The following MGAT5 variants were observed in gnomAD, a reference collection of about 807,000 sequenced individuals.
MGAT5 encodes alpha-1,6-mannosylglycoprotein 6-beta-N-acetylglucosaminyltransferase.
A neutral mutation model predicts 94.3 loss-of-function variants in MGAT5; 30 were observed. The ratio of observed to expected loss-of-function variants is 0.32; its 90% CI spans 0.24 to 0.43. The LOEUF is 0.43. Ranked by LOEUF, MGAT5 falls within the 20% of genes least tolerant of loss-of-function variation. MGAT5 has a pLI of 1.00. For missense variants in MGAT5, 691 were observed against 905.5 expected, an observed-to-expected ratio of 0.76 and a Z score of 3.04; for synonymous variants, 310 against 322.9, an observed-to-expected ratio of 0.96 and a Z score of 0.43.
intron 1 of MGAT5, among the ~76,000 whole-genome samples, chr2:134,129,980 A>G (rs919325770): frequency 6.6e-6 from 1 of 152,170 alleles, no homozygotes; most frequent in African/African-American, 2.4e-5. Flanking sequence ...CAGCACTCAC[A>G]GGCCAGCGCA....
intron 1 of MGAT5, among the ~76,000 whole-genome samples, chr2:134,159,323 C>G (rs973708890): frequency 6.6e-6 from 1 of 151,714 alleles, no homozygotes; most frequent in Non-Finnish European, 1.5e-5. Context: ...CTTCCCTTCT[C>G]TTTGCTTGCA....
At chr2:134,386,237 T>C (rs1352706392) in intron 10 of MGAT5, among the ~76,000 whole-genome samples, 1 of 151,910 alleles carries the variant, frequency 6.6e-6, no homozygotes, top group Non-Finnish European at 1.5e-5. Context: ...CAACCATTGA[T>C]AGGAAAAGCA....
chr2:134,433,752 A>G (rs1177012900), intron 14 of MGAT5, among the ~76,000 whole-genome samples: 1 of 152,096 alleles, frequency 6.6e-6, no homozygotes, highest in African/African-American at 2.4e-5. Flanking sequence ...TAACACAGAT[A>G]ACCAATATGT....
rs1685851750 is a variant in MGAT5, at chr2:134,298,853, G to C, written c.407-18676G>C. 1.3e-5 allele frequency among the ~76,000 whole-genome samples: 2 copies of C among 152,098 alleles called. 1 individual carries two copies. The highest frequency in any genetic ancestry group is 4.1e-4 in the South Asian group (2 of 4,830). On this transcript the variant is annotated intron_variant, in intron 2 of 15. Coordinates refer to ENST00000281923, the MANE Select transcript of MGAT5 (RefSeq NM_002410.5). ...TGGTTGAGTGTTCTGTATGAAAGACGATTCCAGGCAGGAAGCATGAAAGCA... is the reference window on the plus strand; with the variant it reads ...TGGTTGAGTGTTCTGTATGAAAGACCATTCCAGGCAGGAAGCATGAAAGCA...
intron 2 of MGAT5, among the ~76,000 whole-genome samples, chr2:134,292,223 C>T (rs1685411473): frequency 6.6e-6 from 1 of 152,136 alleles, no homozygotes; most frequent in African/African-American, 2.4e-5. Flanking sequence ...CTGAGTGTAC[C>T]TCAGGGAAGG....
At chr2:134,367,445 G>T (rs1680509067) in intron 10 of MGAT5, among the ~76,000 whole-genome samples, 1 of 152,224 alleles carries the variant, frequency 6.6e-6, no homozygotes, top group Admixed American at 6.5e-5. Context: ...CATTTTACTG[G>T]AACATGGCCA....
chr2:134,239,219 C>T (rs984145392), intron 1 of MGAT5, among the ~76,000 whole-genome samples: 5 of 152,086 alleles, frequency 3.3e-5, no homozygotes, highest in African/African-American at 7.2e-5. Context: ...AGGATGGTCT[C>T]GATCTCCTGA....
chr2:134,139,896 G>A (rs1451780909), intron 1 of MGAT5, among the ~76,000 whole-genome samples: 1 of 152,162 alleles, frequency 6.6e-6, no homozygotes, highest in Non-Finnish European at 1.5e-5. Context: ...CTGGCCATTC[G>A]AGAACAGCTT....
chr2:134,323,874 A>G (rs1687482889), intron 4 of MGAT5, among the ~76,000 whole-genome samples: 1 of 152,128 alleles, frequency 6.6e-6, no homozygotes, highest in Admixed American at 6.6e-5. Flanking sequence ...TTTCCAGAAC[A>G]TCAGGCAGTT....
At chr2:134,341,123 G>A (rs377637854) in intron 6 of MGAT5, among the ~76,000 whole-genome samples, 20 of 152,134 alleles carry the variant, frequency 1.3e-4, no homozygotes, top group Middle Eastern at 3.2e-3. Context: ...GAGAAAATGG[G>A]GGTATAGATT....
chr2:134,415,727 T>C (rs1290683077), intron 12 of MGAT5, among the ~76,000 whole-genome samples: 1 of 152,208 alleles, frequency 6.6e-6, no homozygotes, highest in Non-Finnish European at 1.5e-5. Context: ...GCACTTTTTT[T>C]TTCCTCGTAG....
chr2:134,132,483 T>G (rs1686222895), intron 1 of MGAT5, among the ~76,000 whole-genome samples: 1 of 152,256 alleles, frequency 6.6e-6, no homozygotes, highest in African/African-American at 2.4e-5. Context: ...TTTCATTGTC[T>G]TAAAAAATTT....
intron 2 of MGAT5, among the ~76,000 whole-genome samples, chr2:134,317,122 T>C (rs1687041222): frequency 6.6e-6 from 1 of 152,198 alleles, no homozygotes; most frequent in Non-Finnish European, 1.5e-5. Flanking sequence ...TCACGAGGTC[T>C]GTTCATGGCC....
At chr2:134,143,024 A>C (rs1686735055) in intron 1 of MGAT5, among the ~76,000 whole-genome samples, 1 of 152,150 alleles carries the variant, frequency 6.6e-6, no homozygotes, top group Non-Finnish European at 1.5e-5. Flanking sequence ...GTGGGAGGAC[A>C]AATGTGAGAC....
At chr2:134,387,342 T>A (rs1351602271) in intron 10 of MGAT5, among the ~76,000 whole-genome samples, 13 of 96,088 alleles carry the variant, frequency 1.4e-4, no homozygotes, top group East Asian at 3.6e-4. Context: ...ATTTTTTTTT[T>A]TTTTTTTTTT....
Position 134,313,958 on chromosome 2 carries a change from G to A in MGAT5, c.407-3571G>A, listed in dbSNP as rs149466420. Among the ~76,000 whole-genome samples, 198 of 152,256 alleles carry A rather than the reference G, an allele frequency of 1.3e-3. 2 individuals are homozygous for A. Among genetic ancestry groups the A allele is most frequent in the African/African-American group, 4.5e-3 (188 of 41,544 alleles). On this transcript the variant is annotated intron_variant, in intron 2 of 15. Coordinates refer to ENST00000281923, the MANE Select transcript of MGAT5 (RefSeq NM_002410.5). The stretch of plus-strand genomic sequence containing the variant: ...GTTTCTTAACCAAACTTAAATGAGA[G>A]ACATTTCCACAGGTAGGAAGGTCCT...
chr2:134,335,603 AG>A (rs1467505363), intron 4 of MGAT5, among the ~76,000 whole-genome samples: 2 of 151,752 alleles, frequency 1.3e-5, no homozygotes, highest in African/African-American at 4.8e-5. Flanking sequence ...AAGATCATCA[AG>A]GTTTTTTTTT....
At position 134,261,113 on chromosome 2, in the gene MGAT5, C is replaced by T. The variant is rs3791265; in HGVS notation, c.241+6469C>T. ...AGGAGTAAACTCAGAATAAGGGGCT[C>T]ATTCTTCTACCCCTCAGTCATTAAG... On this transcript the variant is annotated intron_variant, in intron 1 of 15. Transcript: ENST00000281923. 1.9e-3 allele frequency among the ~76,000 whole-genome samples: 292 copies of T among 152,234 alleles called. 6 individuals are homozygous for T. In the East Asian group the frequency reaches 0.024, roughly 12 times the overall value.
chr2:134,296,135 T>C (rs993959455), intron 2 of MGAT5, among the ~76,000 whole-genome samples: 4 of 152,170 alleles, frequency 2.6e-5, no homozygotes, highest in African/African-American at 9.7e-5. Context: ...ACTAAACTCA[T>C]GGAATTTCAT....
Sources: allele counts gnomAD v4.1 joint callset (sites outside exome capture counted in the v4.1 genomes callset), GRCh38; gene constraint gnomAD v4.1.1; transcripts MANE v1.5; gene names NCBI Gene and HGNC (gene_info 2026-07-23, HGNC 2026-07-21).